LRP1B: variants seen among roughly 807,000 people sequenced by gnomAD.
LRP1B encodes the protein low-density lipoprotein receptor-related protein 1B.
A neutral mutation model predicts 556.6 loss-of-function variants in LRP1B; 217 were observed. The observed-to-expected ratio is 0.39, with a 90% CI of 0.35 to 0.44. The LOEUF is 0.44. Ranked by LOEUF, LRP1B falls within the 20% of genes least tolerant of loss-of-function variation. LRP1B has a pLI of 1.00. For synonymous variants in LRP1B, 2,047 were observed against 1,865.8 expected (o/e 1.10, Z -2.50); for missense variants, 5,053 against 5,620.8 (o/e 0.90, Z 3.23).
chr2:141,657,812 G>C (rs1367338569), intron 2 of LRP1B, among the ~76,000 whole-genome samples: 2 of 152,086 alleles, frequency 1.3e-5, no homozygotes, highest in Non-Finnish European at 2.9e-5. Flanking sequence ...TCTATGTATT[G>C]CCTTTCTGAA....
intron 1 of LRP1B, among the ~76,000 whole-genome samples, chr2:142,122,146 C>T (rs190045770): frequency 2.2e-3 from 340 of 152,156 alleles, no homozygotes; most frequent in Admixed American, 4.5e-3. Context: ...GTGGTGTTTT[C>T]ATAGACACCC....
intron 3 of LRP1B, among the ~76,000 whole-genome samples, chr2:141,257,295 G>C (rs1326087097): frequency 6.6e-6 from 1 of 152,036 alleles, no homozygotes; most frequent in African/African-American, 2.4e-5. Context: ...AAAAGAATGA[G>C]GGTAGAGATT....
intron 31 of LRP1B, among the ~76,000 whole-genome samples, chr2:140,816,075 A>G (rs1055791934): frequency 1.3e-5 from 2 of 152,122 alleles, no homozygotes; most frequent in African/African-American, 4.8e-5. Context: ...GCTTGTTTTC[A>G]AAGAGTTCTG....
chr2:140,511,259 C>T (rs1407833705), intron 51 of LRP1B, among the ~76,000 whole-genome samples: 1 of 143,548 alleles, frequency 7.0e-6, no homozygotes, highest in Admixed American at 7.0e-5. Context: ...ATATGGTAAG[C>T]AGTGGGGTAT....
intron 2 of LRP1B, among the ~76,000 whole-genome samples, chr2:141,673,722 T>C (rs938853509): frequency 6.6e-6 from 1 of 152,146 alleles, no homozygotes; most frequent in African/African-American, 2.4e-5. Flanking sequence ...TTAAGCAATT[T>C]ACAAAAAGTT....
intron 11 of LRP1B, among the ~76,000 whole-genome samples, chr2:141,047,918 A>G (rs932390619): frequency 2.0e-5 from 3 of 152,136 alleles, no homozygotes; most frequent in Admixed American, 6.6e-5. Context: ...GTATACCCAC[A>G]TAAAGATATC....
Position 140,716,786 on chromosome 2 carries a change from C to G in LRP1B, c.5789G>C (p.Gly1930Ala), listed in dbSNP as rs1353701182. 1.2e-6 allele frequency: 2 copies of G among 1,606,674 alleles called. No homozygotes were observed. Among genetic ancestry groups the G allele is most frequent in the Non-Finnish European group, 1.7e-6 (2 of 1,174,348 alleles). The change falls in exon 36 of 91, where the codon GGC (glycine) becomes GCC (alanine). Residue 1930 changes from glycine (G) to alanine (A), a missense_variant. This residue lies in a region of LRP1B where 3,619 missense variants were observed against 3,931.9 expected (regional missense o/e 0.92). Coordinates refer to ENST00000389484, the MANE Select transcript of LRP1B (RefSeq NM_018557.3). ...TTTAGCTCTGCTAATTTTATTGAAG[C>G]CCATGTCTGTCCAGTAGATGGTATC... The part of the protein sequence containing the change: ...ENDTIYWTDM[G>A]FNKISRAKRD...
At chr2:141,724,909 C>CTT (rs960293497) in intron 2 of LRP1B, among the ~76,000 whole-genome samples, 5 of 151,926 alleles carry the variant, frequency 3.3e-5, no homozygotes, top group Admixed American at 6.6e-5. Flanking sequence ...AAATCTAAAA[C>CTT]TTACTAAGTA....
intron 1 of LRP1B, among the ~76,000 whole-genome samples, chr2:142,053,895 C>G (rs964529727): frequency 2.0e-5 from 3 of 152,018 alleles, no homozygotes; most frequent in Non-Finnish European, 2.9e-5. Flanking sequence ...TCCTAGAAGA[C>G]CAGGGACAAG....
chr2:142,074,282 T>A (rs948574937), intron 1 of LRP1B, among the ~76,000 whole-genome samples: 1 of 152,062 alleles, frequency 6.6e-6, no homozygotes, highest in African/African-American at 2.4e-5. Context: ...CCTTTCCCAG[T>A]AGGCTTTGCC....
rs1338645939 is a variant in LRP1B, at chr2:140,702,259, C to T, written c.6184G>A (p.Asp2062Asn). ...TCAAGGTCGATTCTCTCTATCTTGT[C>T]TGTGCGAGCATCACACCAGTACAAT... ...NKLYWCDARTDKIERIDLETG... is the reference protein window; with the variant it reads ...NKLYWCDARTNKIERIDLETG... The change falls in exon 39 of 91, where the codon GAC (aspartate) becomes AAC (asparagine). Residue 2062 changes from aspartate (D) to asparagine (N), a missense_variant. Physicochemically the swap from Asp to Asn is conservative, Grantham distance 23 (BLOSUM62 1). Around this residue, in one of 5 missense-constraint regions of LRP1B, gnomAD observed 3,619 missense variants for 3,931.9 expected, o/e 0.92. Coordinates refer to ENST00000389484, the MANE Select transcript of LRP1B (RefSeq NM_018557.3). 1 of 1,613,764 alleles carries T rather than the reference C, an allele frequency of 6.2e-7. No individual in the cohort carries two copies. The highest frequency in any genetic ancestry group is 2.2e-5 in the East Asian group (1 of 44,874).
intron 7 of LRP1B, among the ~76,000 whole-genome samples, chr2:141,151,087 T>C (rs1481783572): frequency 6.6e-6 from 1 of 152,160 alleles, no homozygotes; most frequent in Non-Finnish European, 1.5e-5. Flanking sequence ...TCAGACAGAA[T>C]AGGCAGATTT....
At chr2:140,668,599 A>T (rs1328399573) in intron 41 of LRP1B, among the ~76,000 whole-genome samples, 1 of 152,118 alleles carries the variant, frequency 6.6e-6, no homozygotes, top group African/African-American at 2.4e-5. Context: ...TCATATAAAT[A>T]GCCTCCTTCA....
At chr2:140,323,792 TA>T in intron 81 of LRP1B, 100 bp downstream of exon 81, 1 of 567,170 alleles carries the variant, frequency 1.8e-6, no homozygotes, top group South Asian at 4.5e-5. Context: ...TTACTGAGGT[TA>T]AGACATTTAC....
chr2:141,303,415 C>G (rs1179311107), intron 3 of LRP1B, among the ~76,000 whole-genome samples: 1 of 152,096 alleles, frequency 6.6e-6, no homozygotes, highest in Non-Finnish European at 1.5e-5. Flanking sequence ...TAGTCAATGT[C>G]TCTTCATGGT....
At chr2:142,005,246 C>T (rs1021135293) in intron 1 of LRP1B, among the ~76,000 whole-genome samples, 1 of 151,642 alleles carries the variant, frequency 6.6e-6, no homozygotes, top group Non-Finnish European at 1.5e-5. Flanking sequence ...TATATGTAGG[C>T]ACATTCAATA....
chr2:140,646,809 T>C (rs74716188), intron 41 of LRP1B, among the ~76,000 whole-genome samples: 9,424 of 152,092 alleles, frequency 0.062, 337 homozygotes, highest in Admixed American at 0.078. Context: ...TACATACATA[T>C]GTGATATGTG....
chr2:140,650,257 A>C (rs115288461), intron 41 of LRP1B, among the ~76,000 whole-genome samples: 2,678 of 151,730 alleles, frequency 0.018, 40 homozygotes, highest in Middle Eastern at 0.034. Context: ...AAAGAGAGGA[A>C]GGCAATTCAG....
intron 66 of LRP1B, among the ~76,000 whole-genome samples, chr2:140,421,378 A>C (rs1010365800): frequency 3.3e-5 from 5 of 152,222 alleles, no homozygotes; most frequent in African/African-American, 1.2e-4. Flanking sequence ...GATTTTGTGC[A>C]AACTATATAA....
Sources: gnomAD v4.1 joint callset for allele counts (sites outside exome capture counted in the v4.1 genomes callset) on GRCh38, gnomAD v4.1.1 for gene constraint, gnomAD v4.1.1 regional missense constraint, MANE v1.5 for transcripts, NCBI Gene and HGNC (gene_info 2026-07-23, HGNC 2026-07-21) for gene names.